Variants in SCAI observed in about 807,000 individuals in gnomAD.
SCAI encodes the protein protein SCAI.
In SCAI, 24 loss-of-function variants were observed where a neutral mutation model predicts 92.2. That is an observed-to-expected ratio of 0.26 (90% CI 0.19 to 0.37). SCAI has a LOEUF of 0.37. Ranked by LOEUF, SCAI falls within the 10% of genes least tolerant of loss-of-function variation. The probability of loss-of-function intolerance (pLI) is 1.00; values close to 1 mark genes in which losing one functional copy is unlikely to be tolerated. For synonymous variants in SCAI, 261 were observed against 258.6 expected (o/e 1.01, Z -0.09); for missense variants, 450 against 736.2 (o/e 0.61, Z 4.50).
intron 6 of SCAI, among the ~76,000 whole-genome samples, chr9:125,022,697 T>G (rs1300812789): frequency 6.6e-6 from 1 of 152,162 alleles, no homozygotes; most frequent in Non-Finnish European, 1.5e-5. Context: ...GGATAACAGG[T>G]GTGAGTCACC....
chr9:125,080,194 G>A (rs541346520), intron 2 of SCAI, among the ~76,000 whole-genome samples: 1 of 152,124 alleles, frequency 6.6e-6, no homozygotes, highest in East Asian at 1.9e-4. Context: ...CATATCATCT[G>A]CACACACCTA....
intron 2 of SCAI, among the ~76,000 whole-genome samples, chr9:125,097,231 G>C (rs933146755): frequency 9.9e-5 from 15 of 152,156 alleles, no homozygotes; most frequent in African/African-American, 3.1e-4. Flanking sequence ...TCAGAAGTTT[G>C]ACACCAGCCT....
intron 2 of SCAI, among the ~76,000 whole-genome samples, chr9:125,067,461 G>A (rs1038076656): frequency 2.5e-4 from 38 of 152,088 alleles, no homozygotes; most frequent in African/African-American, 8.7e-4. Flanking sequence ...AGGCAGCCAC[G>A]TGAAGACGGA....
chr9:124,988,082 C>T (rs182992735), intron 14 of SCAI, among the ~76,000 whole-genome samples: 1 of 152,062 alleles, frequency 6.6e-6, no homozygotes, highest in African/African-American at 2.4e-5. Flanking sequence ...CACACACATA[C>T]ACACACGCTT....
intron 2 of SCAI, among the ~76,000 whole-genome samples, chr9:125,063,314 T>C (rs1458243618): frequency 6.6e-6 from 1 of 150,608 alleles, no homozygotes; most frequent in Non-Finnish European, 1.5e-5. Context: ...GAAGTGAAGG[T>C]TGCAGTGAGC....
intron 2 of SCAI, among the ~76,000 whole-genome samples, chr9:125,057,965 G>A (rs1040609956): frequency 5.3e-5 from 8 of 152,050 alleles, no homozygotes; most frequent in East Asian, 1.9e-4. Flanking sequence ...GTGGTGGCAG[G>A]TGCCTACTCA....
chr9:125,121,165 G>C (rs1835148840), intron 2 of SCAI, among the ~76,000 whole-genome samples: 2 of 151,328 alleles, frequency 1.3e-5, no homozygotes, highest in Non-Finnish European at 2.9e-5. Flanking sequence ...GTTAACAGCA[G>C]TAAAAATCCT....
At position 124,994,347 on chromosome 9, in the gene SCAI, T is replaced by C. The variant is rs563286256; in HGVS notation, c.1326+587A>G. ...ACTGCACCCAGCTGACCACTGGCATTCTTTATAAAATCACTGAAAATCATC... is the reference window on the plus strand; with the variant it reads ...ACTGCACCCAGCTGACCACTGGCATCCTTTATAAAATCACTGAAAATCATC... On this transcript the variant is annotated intron_variant, in intron 14 of 17. Coordinates refer to ENST00000336505, the MANE Select transcript of SCAI (RefSeq NM_001144877.3). Among the ~76,000 whole-genome samples the C allele has an allele frequency of 5.3e-5, 8 of 152,322 alleles. No individual in the cohort carries two copies. The East Asian group carries it at 1.5e-3, about 29-fold the overall frequency.
intron 13 of SCAI, among the ~76,000 whole-genome samples, chr9:124,997,688 C>T (rs1223348606): frequency 6.6e-6 from 1 of 151,906 alleles, no homozygotes; most frequent in East Asian, 1.9e-4. Flanking sequence ...CCAGAATGGC[C>T]AACATGGTGA....
intron 2 of SCAI, among the ~76,000 whole-genome samples, chr9:125,063,136 G>A (rs952869496): frequency 2.7e-5 from 4 of 148,856 alleles, no homozygotes; most frequent in South Asian, 2.1e-4. Context: ...TAGGCCCAGC[G>A]CAGTAGCTCA....
intron 9 of SCAI, among the ~76,000 whole-genome samples, chr9:125,010,587 T>G (rs914253317): frequency 1.1e-4 from 17 of 152,226 alleles, no homozygotes; most frequent in Non-Finnish European, 2.1e-4. Flanking sequence ...CTCTGTAGGC[T>G]CCACCTCTGG....
intron 3 of SCAI, among the ~76,000 whole-genome samples, chr9:125,037,807 T>C (rs2131102463): frequency 6.6e-6 from 1 of 152,116 alleles, no homozygotes; most frequent in Admixed American, 6.5e-5. Context: ...TCCCAGCTAC[T>C]TGGGAGGCTG....
intron 15 of SCAI, 61 bp from the exon 16 acceptor site, chr9:124,971,905 A>G (rs1831667641): frequency 4.2e-6 from 4 of 944,060 alleles, no homozygotes; most frequent in East Asian, 5.7e-5. Context: ...AGAGATACAT[A>G]TGAGGAACAT....
At chr9:125,140,252 G>A (rs964544211) in intron 2 of SCAI, among the ~76,000 whole-genome samples, 11 of 152,030 alleles carry the variant, frequency 7.2e-5, no homozygotes, top group African/African-American at 2.2e-4. Context: ...TGAAGGCCAG[G>A]CCCGGTGGCT....
In SCAI at chr9:125,074,145, G is replaced by A. The variant is rs138356994; in HGVS notation, c.99-18138C>T. Among the ~76,000 whole-genome samples, 962 of 150,986 alleles carry A rather than the reference G, an allele frequency of 6.4e-3. 10 individuals are homozygous for A. The highest frequency in any genetic ancestry group is 0.029 in the East Asian group (148 of 5,022). ...GTGGTGGCACGCGCCTGTAGTCCCAGCTACTCAGGAGGCTGAGGCAGGAAA... is the reference window on the plus strand; with the variant it reads ...GTGGTGGCACGCGCCTGTAGTCCCAACTACTCAGGAGGCTGAGGCAGGAAA... On this transcript the variant is annotated intron_variant, in intron 2 of 17. Coordinates refer to ENST00000336505, the MANE Select transcript of SCAI (RefSeq NM_001144877.3).
At chr9:125,053,091 T>A (rs934013544) in intron 3 of SCAI, among the ~76,000 whole-genome samples, 1 of 152,098 alleles carries the variant, frequency 6.6e-6, no homozygotes, top group South Asian at 2.1e-4. Flanking sequence ...TCCCAGCACT[T>A]TGGGAGGCCG....
intron 2 of SCAI, among the ~76,000 whole-genome samples, chr9:125,070,879 C>A (rs761433947): frequency 6.6e-6 from 1 of 152,150 alleles, no homozygotes; most frequent in Admixed American, 6.5e-5. Flanking sequence ...CTACCCAAAT[C>A]GCATCTTGAA....
intron 6 of SCAI, among the ~76,000 whole-genome samples, chr9:125,022,342 G>A (rs902636020): frequency 6.6e-5 from 10 of 152,008 alleles, no homozygotes; most frequent in Admixed American, 2.0e-4. Flanking sequence ...TAAGAAATGC[G>A]TATACACGTA....
intron 17 of SCAI, among the ~76,000 whole-genome samples, chr9:124,964,292 A>G (rs1021331814): frequency 3.3e-5 from 5 of 152,136 alleles, no homozygotes; most frequent in African/African-American, 4.8e-5. Flanking sequence ...TGTGGTGTCT[A>G]TTAGCTCTTG....
Sources: allele counts gnomAD v4.1 joint callset (sites outside exome capture counted in the v4.1 genomes callset), GRCh38; gene constraint gnomAD v4.1.1; transcripts MANE v1.5; gene names NCBI Gene and HGNC (gene_info 2026-07-23, HGNC 2026-07-21).